The following ASIC2 variants were observed in gnomAD, a reference collection of about 807,000 sequenced individuals.
The protein encoded by ASIC2 is acid sensing ion channel subunit 2.
In ASIC2, 25 loss-of-function variants were observed where a neutral mutation model predicts 57.3. That is an observed-to-expected ratio of 0.44 (90% confidence interval 0.32 to 0.61). ASIC2 has a LOEUF of 0.61. Ranked by LOEUF, ASIC2 falls within the 20% of genes least tolerant of loss-of-function variation. The pLI, the probability that ASIC2 is intolerant of heterozygous loss-of-function variation, is 0.06. For synonymous variants in ASIC2, 319 were observed against 307.5 expected (o/e 1.04, Z -0.39); for missense variants, 641 against 738.1 (o/e 0.87, Z 1.52).
At chr17:33,414,441 A>T (rs1910769182) in intron 1 of ASIC2, among the ~76,000 whole-genome samples, 1 of 152,224 alleles carries the variant, frequency 6.6e-6, no homozygotes, top group Admixed American at 6.5e-5. Flanking sequence ...GGACTGGAGC[A>T]GTGGGAGGAT....
At position 34,146,009 on chromosome 17, in the gene ASIC2, A is replaced by G. The variant is rs79194499; in HGVS notation, c.555+9969T>C. 2.8e-3 allele frequency among the ~76,000 whole-genome samples: 422 copies of G among 152,342 alleles called. 10 individuals carry two copies. The East Asian group carries it at 0.071, about 26-fold the overall frequency. On this transcript the variant is annotated intron_variant, in intron 1 of 9. Transcript: ENST00000359872. Reference sequence around the variant, plus strand: ...GGAAATGAGAATGCAGGTGCTGATAAAAGTGTATGCTAGAATGTGAGCAGC... The same window carrying G: ...GGAAATGAGAATGCAGGTGCTGATAGAAGTGTATGCTAGAATGTGAGCAGC...
At chr17:33,272,584 T>C (rs1904539832) in intron 1 of ASIC2, among the ~76,000 whole-genome samples, 2 of 152,138 alleles carry the variant, frequency 1.3e-5, no homozygotes, top group African/African-American at 4.8e-5. Context: ...CATGGCTGTA[T>C]TGTCATCATC....
chr17:33,720,221 G>T (rs564219877), intron 1 of ASIC2, among the ~76,000 whole-genome samples: 3 of 152,158 alleles, frequency 2.0e-5, no homozygotes, highest in African/African-American at 4.8e-5. Flanking sequence ...AGCCTGGTTT[G>T]TATTGTTAAT....
chr17:33,781,797 C>A (rs1426296395), intron 1 of ASIC2, among the ~76,000 whole-genome samples: 1 of 152,156 alleles, frequency 6.6e-6, no homozygotes, highest in African/African-American at 2.4e-5. Context: ...TCCATGGACC[C>A]AGCCTTAAAG....
chr17:33,403,788 A>T (rs575906483), intron 1 of ASIC2, among the ~76,000 whole-genome samples: 62 of 152,314 alleles, frequency 4.1e-4, no homozygotes, highest in Non-Finnish European at 6.5e-4. Flanking sequence ...GCTAGCAGAA[A>T]CCTTGGCAAT....
chr17:33,192,896 G>T (rs918609345), intron 1 of ASIC2, among the ~76,000 whole-genome samples: 1 of 151,976 alleles, frequency 6.6e-6, no homozygotes. Flanking sequence ...ATTAAATATA[G>T]CTATTTTTGG....
intron 1 of ASIC2, among the ~76,000 whole-genome samples, chr17:33,237,893 T>TTGGTGAG (rs1908355520): frequency 6.6e-6 from 1 of 152,282 alleles, no homozygotes; most frequent in Admixed American, 6.5e-5. Flanking sequence ...GCTCCATCTC[T>TTGGTGAG]CACTAACCAC....
At position 33,292,101 on chromosome 17, in the gene ASIC2, G is replaced by A. The variant is rs951284015; in HGVS notation, c.15C>T (p.Gly5=). 71 of 1,045,890 alleles carry A rather than the reference G, an allele frequency of 6.8e-5. No homozygotes were observed. In the African/African-American group the frequency reaches 1.1e-3, roughly 16 times the overall value. 64.8% of individuals were successfully genotyped at this position (1,045,890 alleles called of 1,614,324 possible). ...GCGCGGCTGCGGGCAGCCCGGCTCC[G>A]CCAATCCGGCTCATTCATTCAGCCC... The part of the protein sequence containing the change: MSRI[G]GAGLPAAALT... Residue 5 remains glycine, a synonymous_variant, in exon 1 of 10, where the codon GGC becomes GGT. Transcript: ENST00000225823.
intron 1 of ASIC2, among the ~76,000 whole-genome samples, chr17:33,226,388 A>C (rs1448864819): frequency 6.6e-6 from 1 of 152,202 alleles, no homozygotes; most frequent in African/African-American, 2.4e-5. Flanking sequence ...TTGGAAGATG[A>C]ATAGGAGTTT....
At chr17:33,873,325 G>A (rs1250750598) in intron 1 of ASIC2, among the ~76,000 whole-genome samples, 2 of 152,214 alleles carry the variant, frequency 1.3e-5, no homozygotes, top group African/African-American at 4.8e-5. Context: ...TTCAGAGAGT[G>A]ATAAGTGCTT....
intron 1 of ASIC2, among the ~76,000 whole-genome samples, chr17:33,557,971 C>T (rs2141981573): frequency 6.6e-6 from 1 of 152,140 alleles, no homozygotes; most frequent in East Asian, 1.9e-4. Flanking sequence ...TAATCTGTTA[C>T]TCATTTGGAC....
intron 1 of ASIC2, chr17:34,039,138 C>T: frequency 6.2e-7 from 1 of 1,614,024 alleles, no homozygotes; most frequent in Non-Finnish European, 8.5e-7. Flanking sequence ...TCTGCCGTCT[C>T]AAATCACAGA....
chr17:33,221,395 T>A (rs1907687447), intron 1 of ASIC2, among the ~76,000 whole-genome samples: 1 of 152,224 alleles, frequency 6.6e-6, no homozygotes, highest in African/African-American at 2.4e-5. Context: ...AGAGGTAGAA[T>A]CTTCAAGGAC....
intron 1 of ASIC2, among the ~76,000 whole-genome samples, chr17:33,164,576 G>GCACGCACACA (rs1555576024): frequency 2.0e-5 from 3 of 149,884 alleles, no homozygotes; most frequent in African/African-American, 7.3e-5. Context: ...GCACATGCAC[G>GCACGCACACA]CACACACACA....
At chr17:33,752,351 A>G (rs1273107439) in intron 1 of ASIC2, among the ~76,000 whole-genome samples, 2 of 151,884 alleles carry the variant, frequency 1.3e-5, no homozygotes, top group East Asian at 3.9e-4. Flanking sequence ...AATCATTCCC[A>G]TACTCTACAC....
At chr17:34,083,911 T>A (rs1256427337) in intron 1 of ASIC2, among the ~76,000 whole-genome samples, 1 of 152,240 alleles carries the variant, frequency 6.6e-6, no homozygotes, top group Non-Finnish European at 1.5e-5. Flanking sequence ...CATTGTGGAT[T>A]CTGGATATTA....
chr17:33,216,191 G>GT (rs1907480887), intron 1 of ASIC2, among the ~76,000 whole-genome samples: 1 of 152,180 alleles, frequency 6.6e-6, no homozygotes, highest in African/African-American at 2.4e-5. Flanking sequence ...ATTGGCAGTA[G>GT]TTTCAGTTTC....
At chr17:33,586,620 T>C (rs974889554) in intron 1 of ASIC2, among the ~76,000 whole-genome samples, 6 of 152,172 alleles carry the variant, frequency 3.9e-5, no homozygotes, top group Admixed American at 3.9e-4. Flanking sequence ...CTGTCTTGAG[T>C]TTTTGCTTTG....
chr17:33,720,472 C>A (rs9902045), intron 1 of ASIC2, among the ~76,000 whole-genome samples: 1 of 152,054 alleles, frequency 6.6e-6, no homozygotes, highest in African/African-American at 2.4e-5. Context: ...TGCAAGGCAA[C>A]GTTTTAAGTG....
Sources: allele counts gnomAD v4.1 joint callset (sites outside exome capture counted in the v4.1 genomes callset), GRCh38; gene constraint gnomAD v4.1.1; transcripts MANE v1.5; gene names NCBI Gene and HGNC (gene_info 2026-07-23, HGNC 2026-07-21).